The following FKBP9 variants were observed in gnomAD, a reference collection of about 807,000 sequenced individuals.
FKBP9 encodes the protein peptidyl-prolyl cis-trans isomerase FKBP9.
FKBP9 carries 27 observed loss-of-function variants against 55.6 expected under a neutral mutation model. The observed-to-expected ratio is 0.49, with a 90% CI of 0.36 to 0.67. FKBP9 has a LOEUF of 0.67. Ranked by LOEUF, FKBP9 falls within the 30% of genes least tolerant of loss-of-function variation. The pLI is 0.00. For synonymous variants in FKBP9, 267 were observed against 296.5 expected, an observed-to-expected ratio of 0.90 and a Z score of 1.02; for missense variants, 539 against 742.8, an observed-to-expected ratio of 0.73 and a Z score of 3.19.
At chr7:32,981,934 G>A (rs530553049) in intron 5 of FKBP9, among the ~76,000 whole-genome samples, 1 of 149,482 alleles carries the variant, frequency 6.7e-6, no homozygotes, top group East Asian at 2.0e-4. Flanking sequence ...TTGTATACCT[G>A]TTCCTGTCTG....
At chr7:32,982,982 T>TTGTGTGTG (rs1420090054) in intron 5 of FKBP9, among the ~76,000 whole-genome samples, 2 of 77,836 alleles carry the variant, frequency 2.6e-5, no homozygotes. Flanking sequence ...GGGTCAAAGG[T>TTGTGTGTG]TATGTGTGTG....
chr7:32,998,185 G>C (rs1784854338), intron 7 of FKBP9, among the ~76,000 whole-genome samples: 1 of 152,184 alleles, frequency 6.6e-6, no homozygotes, highest in Non-Finnish European at 1.5e-5. Flanking sequence ...CAGCAGGGAA[G>C]GGGCATGGCT....
chr7:32,993,652 C>G (rs1475484973), intron 6 of FKBP9, among the ~76,000 whole-genome samples: 2 of 152,288 alleles, frequency 1.3e-5, no homozygotes, highest in South Asian at 2.1e-4. Context: ...TGGTGAAACC[C>G]TGTCTCTACT....
chr7:33,001,113 G>A (rs1030495254), intron 8 of FKBP9, among the ~76,000 whole-genome samples: 2 of 152,128 alleles, frequency 1.3e-5, no homozygotes, highest in Admixed American at 6.5e-5. Flanking sequence ...TCACACTGCT[G>A]ATATCTGGAC....
chr7:32,969,049 G>A (rs1784204757), intron 1 of FKBP9, among the ~76,000 whole-genome samples: 1 of 152,116 alleles, frequency 6.6e-6, no homozygotes, highest in Non-Finnish European at 1.5e-5. Context: ...ATCTTTTTTG[G>A]AGAAATATTC....
intron 5 of FKBP9, among the ~76,000 whole-genome samples, chr7:32,984,729 C>G (rs147436000): frequency 6.6e-5 from 10 of 152,252 alleles, no homozygotes; most frequent in African/African-American, 2.4e-4. Context: ...GTCTTTAATC[C>G]ATCTGGAATT....
chr7:32,976,045 A>G (rs1415748392), intron 3 of FKBP9, among the ~76,000 whole-genome samples: 1 of 152,188 alleles, frequency 6.6e-6, no homozygotes, highest in Non-Finnish European at 1.5e-5. Flanking sequence ...ATGTGAAGCT[A>G]TGGAGAGGCA....
intron 6 of FKBP9, chr7:32,995,003 C>G (rs149124902): frequency 1.3e-5 from 2 of 153,102 alleles, no homozygotes; most frequent in African/African-American, 4.8e-5. Flanking sequence ...CGGAGTCTCA[C>G]TCTGTTGCCC....
At chr7:32,978,313 T>C (rs1015051924) in intron 4 of FKBP9, among the ~76,000 whole-genome samples, 6 of 151,722 alleles carry the variant, frequency 4.0e-5, no homozygotes, top group Admixed American at 3.9e-4. Context: ...AAAAATAAAG[T>C]TTAAAGCAGT....
At chr7:32,961,208 G>A (rs1208633223) in intron 1 of FKBP9, among the ~76,000 whole-genome samples, 5 of 152,170 alleles carry the variant, frequency 3.3e-5, no homozygotes, top group Non-Finnish European at 7.3e-5. Context: ...CAAGGATGAT[G>A]AAAATTCACC....
chr7:32,997,664 C>A (rs577867529), intron 7 of FKBP9, among the ~76,000 whole-genome samples: 1 of 152,270 alleles, frequency 6.6e-6, no homozygotes, highest in African/African-American at 2.4e-5. Flanking sequence ...CCCATCTCTA[C>A]TAAAAATACA....
rs1193517611 is a variant in FKBP9, at chr7:32,957,598, C to A, written c.25C>A (p.Pro9Thr). The A allele has an allele frequency of 1.4e-6, 2 of 1,474,894 alleles. No homozygotes were observed. Among genetic ancestry groups the A allele is most frequent in the South Asian group, 2.6e-5 (2 of 77,438 alleles). The allele number at this position is 1,474,894 out of a possible 1,614,324, so 91.4% of individuals were successfully genotyped here. Residue 9 changes from proline (P) to threonine (T), a missense_variant, in exon 1 of 10, where the codon CCG becomes ACG. Coordinates refer to ENST00000242209, the MANE Select transcript of FKBP9 (RefSeq NM_007270.5). Reference protein sequence around the residue: MAFRGWRPPPPPLLLLLLW... With the variant: MAFRGWRPTPPPLLLLLLW... ...GATGGCGTTCCGGGGCTGGAGGCCC[C>A]CGCCGCCACCGCTGCTCCTGCTGCT... is the stretch of plus-strand genomic sequence containing the variant.
intron 5 of FKBP9, among the ~76,000 whole-genome samples, chr7:32,985,689 T>C (rs1034298934): frequency 5.9e-5 from 9 of 152,174 alleles, no homozygotes; most frequent in Non-Finnish European, 1.3e-4. Flanking sequence ...GTAAGTTAGT[T>C]TGGGCCAGCT....
chr7:33,004,033 C>T (rs2127989783), intron 9 of FKBP9, among the ~76,000 whole-genome samples: 1 of 152,202 alleles, frequency 6.6e-6, no homozygotes, highest in East Asian at 1.9e-4. Flanking sequence ...CAGTCAGTGG[C>T]ATCACTGGCC....
chr7:32,975,332 A>G lies in FKBP9; in HGVS notation c.518A>G (p.Tyr173Cys). 1.9e-6 allele frequency: 3 copies of G among 1,614,032 alleles called. No individual in the cohort carries two copies. Among genetic ancestry groups the G allele is most frequent in the Non-Finnish European group, 2.5e-6 (3 of 1,179,872 alleles). Residue 173 changes from tyrosine to cysteine, a missense_variant, in exon 3 of 10, where the codon TAC (tyrosine) becomes TGC (cysteine). Coordinates refer to ENST00000242209, the MANE Select transcript of FKBP9 (RefSeq NM_007270.5). ...GTGTCTGATTTTGTGAGGTACCACT[A>G]CAACGGGACGTTCCTGGACGGAACT... ...IQVSDFVRYH[Y>C]NGTFLDGTLF...
At position 32,976,508 on chromosome 7, in the gene FKBP9, G is replaced by A. The variant is rs3750116; in HGVS notation, c.703+9G>A. ...TGGAGAGGATGGAGATGGTAAGTCC[G>A]TCTCCTTCTTGGAGCCACTCTTTCC... On this transcript the variant is annotated intron_variant, in intron 4 of 9. Coordinates refer to ENST00000242209, the MANE Select transcript of FKBP9 (RefSeq NM_007270.5). The A allele has an allele frequency of 1.9e-6, 3 of 1,568,112 alleles. No homozygotes were observed. The highest frequency in any genetic ancestry group is 2.4e-5 in the South Asian group (2 of 83,076).
chr7:32,980,879 C>T (rs1583855427), intron 5 of FKBP9, among the ~76,000 whole-genome samples: 3 of 151,886 alleles, frequency 2.0e-5, no homozygotes, highest in African/African-American at 7.2e-5. Flanking sequence ...GGACGATAGG[C>T]GTGTGCCACC....
At chr7:32,967,010 G>A (rs985121480) in intron 1 of FKBP9, among the ~76,000 whole-genome samples, 6 of 152,124 alleles carry the variant, frequency 3.9e-5, no homozygotes, top group Non-Finnish European at 7.4e-5. Flanking sequence ...AGAGAGTGAG[G>A]TGAAGGTATG....
intron 1 of FKBP9, among the ~76,000 whole-genome samples, chr7:32,966,747 G>T (rs1334412698): frequency 6.6e-6 from 1 of 152,076 alleles, no homozygotes; most frequent in African/African-American, 2.4e-5. Flanking sequence ...AGGACCTCAG[G>T]AGATTTATAG....
Sources: allele counts gnomAD v4.1 joint callset (sites outside exome capture counted in the v4.1 genomes callset), GRCh38; gene constraint gnomAD v4.1.1; transcripts MANE v1.5; gene names NCBI Gene and HGNC (gene_info 2026-07-23, HGNC 2026-07-21).